PATJ: variants seen among roughly 807,000 people sequenced by gnomAD.
The protein encoded by PATJ is inaD-like protein.
Under a neutral mutation model 224.9 loss-of-function variants are expected in PATJ, and 190 were observed. That is an observed-to-expected ratio of 0.84 (90% confidence interval 0.75 to 0.95). The LOEUF (loss-of-function observed/expected upper bound fraction) is 0.95, where lower values mean the gene tolerates loss of function less well. Ranked by LOEUF, PATJ falls within the 40% of genes least tolerant of loss-of-function variation. PATJ has a pLI of 0.00. For missense variants in PATJ, 2,121 were observed against 2,270.3 expected (o/e 0.93, Z 1.34); for synonymous variants, 769 against 820.3 (o/e 0.94, Z 1.07).
intron 4 of PATJ, 81 bp from the exon 5 acceptor site, chr1:61,769,202 C>A: frequency 1.4e-6 from 2 of 1,410,846 alleles, no homozygotes; most frequent in East Asian, 2.3e-5. Flanking sequence ...TGCTTTTATG[C>A]TAAGCAATTT....
In PATJ at chr1:61,908,470, A is replaced by G. The variant is rs757469597; in HGVS notation, c.3480A>G (p.Ser1160=). 5.0e-6 allele frequency: 8 copies of G among 1,610,050 alleles called. No homozygotes were observed. The highest frequency in any genetic ancestry group is 2.2e-5 in the East Asian group (1 of 44,842). ...TGGTGTTCATTGTTCAGAGTTTGTCATCCACTCCACGAGTAAGTTTTAGTT... is the reference window on the plus strand; with the variant it reads ...TGGTGTTCATTGTTCAGAGTTTGTCGTCCACTCCACGAGTAAGTTTTAGTT... The part of the protein sequence containing the change: ...NPVVFIVQSL[S]STPRVIPNVH... Residue 1160 remains serine, a synonymous_variant, in exon 25 of 44, where the codon TCA becomes TCG. Transcript: ENST00000642238.
intron 7 of PATJ, 51 bp from the exon 8 acceptor site, chr1:61,787,703 A>G (rs947331401): frequency 2.2e-6 from 3 of 1,356,572 alleles, no homozygotes; most frequent in African/African-American, 1.4e-5. Flanking sequence ...GTTATTAACC[A>G]GTGAAGTTAC....
rs2297495 is a variant in PATJ, at chr1:61,991,693, C to T, written c.3867+1329C>T. 37,628 of 983,784 alleles carry T rather than the reference C, an allele frequency of 0.038. 1,787 individuals carry two copies. The East Asian group carries it at 0.39, about 10-fold the overall frequency. 60.9% of individuals were successfully genotyped at this position (983,784 alleles called of 1,614,324 possible). On this transcript the variant is annotated intron_variant, in intron 28 of 43. Transcript: ENST00000642238. ...CTTGTTCTTTTATAATATAGCACCA[C>T]GAATGGGACCCACATTGGGTCGTAA...
At position 62,158,546 on chromosome 1, in the gene PATJ, T is replaced by C. The variant is rs190594280; in HGVS notation, c.5503-2362T>C. Among the ~76,000 whole-genome samples the C allele has an allele frequency of 7.4e-5, 11 of 147,860 alleles. 1 individual carries two copies. In the East Asian group the frequency reaches 7.8e-4, roughly 10 times the overall value. On this transcript the variant is annotated intron_variant, in intron 43 of 43. Transcript: ENST00000642238. ...CATCCTGGCTAACACGGTAAAAAAC[T>C]CCGTCTCTACTAAAAATACAAAAAA...
At chr1:61,879,870 A>G (rs1380374275) in intron 21 of PATJ, among the ~76,000 whole-genome samples, 1 of 148,472 alleles carries the variant, frequency 6.7e-6, no homozygotes, top group Non-Finnish European at 1.5e-5. Flanking sequence ...ATAGAGTCTC[A>G]CTCTGTCACC....
intron 13 of PATJ, among the ~76,000 whole-genome samples, chr1:61,807,892 G>A (rs568792544): frequency 6.6e-6 from 1 of 152,292 alleles, no homozygotes; most frequent in East Asian, 1.9e-4. Context: ...GTCCACCATT[G>A]AAGCTTAGAA....
chr1:61,776,637 A>G (rs74076174), intron 7 of PATJ, among the ~76,000 whole-genome samples: 2,097 of 152,140 alleles, frequency 0.014, 60 homozygotes, highest in African/African-American at 0.048. Flanking sequence ...TCTTTTGAAT[A>G]TTGTCAAAAT....
intron 13 of PATJ, 68 bp from the exon 14 acceptor site, chr1:61,808,406 T>C (rs1654010426): frequency 1.1e-6 from 1 of 921,446 alleles, no homozygotes; most frequent in East Asian, 2.4e-5. Context: ...TACAGATATT[T>C]TCAGAAAATG....
chr1:62,145,334 A>G (rs1667934403), intron 41 of PATJ, among the ~76,000 whole-genome samples: 1 of 152,228 alleles, frequency 6.6e-6, no homozygotes, highest in African/African-American at 2.4e-5. Flanking sequence ...AAACAAGGTA[A>G]GATGTATGCA....
intron 41 of PATJ, among the ~76,000 whole-genome samples, chr1:62,139,607 C>G: frequency 6.6e-6 from 1 of 152,024 alleles, no homozygotes; most frequent in East Asian, 1.9e-4. Context: ...AAGCTGAACA[C>G]ACCCTTTGGA....
intron 41 of PATJ, among the ~76,000 whole-genome samples, chr1:62,130,513 T>A (rs1167919915): frequency 2.0e-5 from 3 of 150,156 alleles, no homozygotes; most frequent in African/African-American, 7.3e-5. Context: ...ACAAAAAAAA[T>A]AAAAATAAAA....
chr1:62,158,511 A>G lies in PATJ; in HGVS notation c.5503-2397A>G, dbSNP rs1435059965. On this transcript the variant is annotated intron_variant, in intron 43 of 43. Transcript: ENST00000642238. ...AAGGTGGGCGGATCACGAGGTCAGGAGATTGAGACCATCCTGGCTAACACG... is the reference window on the plus strand; with the variant it reads ...AAGGTGGGCGGATCACGAGGTCAGGGGATTGAGACCATCCTGGCTAACACG... Among the ~76,000 whole-genome samples the G allele has an allele frequency of 6.7e-5, 10 of 148,374 alleles. 1 individual carries two copies. The highest frequency in any genetic ancestry group is 6.4e-4 in the Admixed American group (9 of 14,062).
At chr1:62,045,731 C>T (rs994215198) in intron 30 of PATJ, among the ~76,000 whole-genome samples, 12 of 152,168 alleles carry the variant, frequency 7.9e-5, no homozygotes, top group African/African-American at 2.7e-4. Context: ...AACTGGCCCC[C>T]ATCCGTCAGC....
At position 61,833,729 on chromosome 1, in the gene PATJ, A is replaced by G; in HGVS notation, c.2056A>G (p.Ile686Val). The change falls in exon 17 of 44, where the codon ATT becomes GTT. Residue 686 changes from isoleucine (I) to valine (V), a missense_variant. Physicochemically the swap from Ile to Val is conservative, Grantham distance 29. Transcript: ENST00000642238. ...AGCACTGTGGTCCCCTGAAGTCAAG[A>G]TTGTTGAACTAGTAAAAGATTGTAA... ...ELALWSPEVK[I>V]VELVKDCKGL... is the part of the protein sequence containing the mutation. 6.2e-7 allele frequency: 1 copy of G among 1,613,708 alleles called. No homozygotes were observed. Among genetic ancestry groups the G allele is most frequent in the Non-Finnish European group, 8.5e-7 (1 of 1,179,682 alleles).
chr1:61,991,670 T>C (rs1645072366), intron 28 of PATJ: 6 of 985,212 alleles, frequency 6.1e-6, no homozygotes, highest in Non-Finnish European at 7.2e-6. Flanking sequence ...TTTCTTTTCT[T>C]GTTCTTTTAT....
At chr1:61,908,560 T>C in intron 25 of PATJ, 78 bp downstream of exon 25, 1 of 827,698 alleles carries the variant, frequency 1.2e-6, no homozygotes. Context: ...CTCTAAGTAT[T>C]TTCCACATAT....
intron 17 of PATJ, among the ~76,000 whole-genome samples, chr1:61,851,880 G>A (rs189562378): frequency 4.9e-4 from 74 of 152,160 alleles, no homozygotes; most frequent in African/African-American, 1.7e-3. Flanking sequence ...ATGGAGGGGT[G>A]AGGGGGAGAA....
intron 28 of PATJ, among the ~76,000 whole-genome samples, chr1:61,995,164 G>A (rs574736255): frequency 3.9e-5 from 6 of 152,234 alleles, no homozygotes; most frequent in African/African-American, 1.4e-4. Context: ...CATTATATGG[G>A]AAGCATTTGC....
Position 61,791,399 on chromosome 1 carries a change from CAG to C in PATJ, c.1123_1124del (p.Leu376TrpfsTer3). On this transcript the variant is annotated frameshift_variant, in exon 9 of 44. Transcript: ENST00000642238. LOFTEE classifies it high-confidence loss of function. ...YNVELVRKDG[Q>X]SLGIRIVGYV... The stretch of plus-strand genomic sequence containing the variant: ...TGTTGAGCTTGTGAGAAAAGATGGG[CAG>C]AGTCTTGGAATTAGAATTGTTGGCT... 1 of 1,612,066 alleles carries C rather than the reference CAG, an allele frequency of 6.2e-7. No individual in the cohort carries two copies. The highest frequency in any genetic ancestry group is 8.5e-7 in the Non-Finnish European group (1 of 1,178,388).
Sources: gnomAD v4.1 joint callset for allele counts (sites outside exome capture counted in the v4.1 genomes callset) on GRCh38, gnomAD v4.1.1 for gene constraint, MANE v1.5 for transcripts, NCBI Gene and HGNC (gene_info 2026-07-23, HGNC 2026-07-21) for gene names.